The following CHD7 variants were observed in gnomAD, a reference collection of about 807,000 sequenced individuals.
The protein encoded by CHD7 is ATP-dependent chromatin remodeler CHD7.
In CHD7, 24 loss-of-function variants were observed where a neutral mutation model predicts 307.3. The ratio of observed to expected loss-of-function variants is 0.08; its 90% confidence interval spans 0.06 to 0.11. The LOEUF (loss-of-function observed/expected upper bound fraction) is 0.11. CHD7 is among the 10% of genes least tolerant of loss of function. The pLI is 1.00. For missense variants in CHD7, 3,106 were observed against 3,727.1 expected, an observed-to-expected ratio of 0.83 and a Z score of 4.34; for synonymous variants, 1,363 against 1,349.9, an observed-to-expected ratio of 1.01 and a Z score of -0.21.
At chr8:60,859,463 G>A (rs1805864749) in intron 34 of CHD7, among the ~76,000 whole-genome samples, 1 of 152,224 alleles carries the variant, frequency 6.6e-6, no homozygotes, top group Non-Finnish European at 1.5e-5. Flanking sequence ...AGAATGCAGT[G>A]TTTAGGATGG....
chr8:60,826,171 G>A (rs187729996), intron 13 of CHD7, among the ~76,000 whole-genome samples: 24 of 152,252 alleles, frequency 1.6e-4, no homozygotes. Flanking sequence ...CAGGTAAAAA[G>A]AGAAGGCTGC....
Position 60,742,144 on chromosome 8 carries a change from G to A in CHD7, c.712G>A (p.Val238Met), listed in dbSNP as rs200898742. 2.5e-4 allele frequency: 404 copies of A among 1,613,892 alleles called. 1 individual carries two copies. In the African/African-American group the frequency reaches 4.7e-3, roughly 19 times the overall value. Residue 238 changes from valine to methionine, a missense_variant, in exon 2 of 38, where the codon GTG becomes ATG. By Grantham distance (21) the Val-to-Met change is conservative. Transcript: ENST00000423902. Reference protein sequence around the residue: ...ATSGPGHLSHVPQQSPSMAPS... With the variant: ...ATSGPGHLSHMPQQSPSMAPS... ...CTCAGGACCTGGCCACTTGTCCCAC[G>A]TGCCCCAGCAGAGTCCCAGCATGGC...
At chr8:60,715,949 A>T (rs1350123657) in intron 1 of CHD7, among the ~76,000 whole-genome samples, 2 of 152,084 alleles carry the variant, frequency 1.3e-5, no homozygotes, top group Non-Finnish European at 2.9e-5. Context: ...TTCACAGCCT[A>T]CTTCATAGGA....
intron 21 of CHD7, among the ~76,000 whole-genome samples, chr8:60,844,061 G>C (rs903022845): frequency 3.3e-5 from 5 of 152,234 alleles, no homozygotes; most frequent in African/African-American, 4.8e-5. Flanking sequence ...GGCTCAGTCT[G>C]CTGTCGCCTG....
At chr8:60,842,241 G>A (rs566228147) in intron 21 of CHD7, among the ~76,000 whole-genome samples, 189 bp downstream of exon 21, 1 of 152,342 alleles carries the variant, frequency 6.6e-6, no homozygotes, top group South Asian at 2.1e-4. Context: ...TTGTTCAGAT[G>A]CTTCTGGTTC....
chr8:60,787,153 G>A (rs891431189), intron 3 of CHD7, among the ~76,000 whole-genome samples: 2 of 152,014 alleles, frequency 1.3e-5, no homozygotes, highest in Non-Finnish European at 2.9e-5. Context: ...GGTTTCTCCT[G>A]TTGGGGTGGA....
At chr8:60,822,242 T>A in intron 11 of CHD7, 97 bp downstream of exon 11, 1 of 1,085,304 alleles carries the variant, frequency 9.2e-7, no homozygotes, top group African/African-American at 1.6e-5. Context: ...GTTTTAACTC[T>A]AATAAGAGCT....
At chr8:60,862,016 C>G in intron 35 of CHD7, 180 bp from the exon 36 acceptor site, 1 of 484,264 alleles carries the variant, frequency 2.1e-6, no homozygotes, top group Non-Finnish European at 3.5e-6. Flanking sequence ...CCTTAATGGA[C>G]GGGTAAAATA....
At chr8:60,765,564 G>A (rs1466572646) in intron 2 of CHD7, among the ~76,000 whole-genome samples, 1 of 152,158 alleles carries the variant, frequency 6.6e-6, no homozygotes, top group African/African-American at 2.4e-5. Context: ...GAAGAGAGTG[G>A]GAAAGGACAT....
chr8:60,792,017 GT>G (rs1360257760), intron 3 of CHD7, among the ~76,000 whole-genome samples: 2 of 152,148 alleles, frequency 1.3e-5, no homozygotes, highest in Admixed American at 6.5e-5. Flanking sequence ...TTAACTATCT[GT>G]GCCATTTTCT....
chr8:60,860,706 A>G (rs567350648), intron 34 of CHD7, among the ~76,000 whole-genome samples, 198 bp from the exon 35 acceptor site: 1 of 152,342 alleles, frequency 6.6e-6, no homozygotes, highest in East Asian at 1.9e-4. Context: ...GAGTGCTGGG[A>G]TTACAGGCGT....
At chr8:60,681,712 G>C (rs1171029071) in intron 1 of CHD7, among the ~76,000 whole-genome samples, 2 of 152,180 alleles carry the variant, frequency 1.3e-5, no homozygotes, top group Non-Finnish European at 2.9e-5. Flanking sequence ...TGTCAGGCTT[G>C]TAACAGGTGA....
intron 1 of CHD7, among the ~76,000 whole-genome samples, chr8:60,713,631 T>G (rs1261104477): frequency 6.6e-6 from 1 of 152,182 alleles, no homozygotes; most frequent in East Asian, 1.9e-4. Context: ...AGCAACGTTC[T>G]CTCTAGGGTG....
intron 34 of CHD7, among the ~76,000 whole-genome samples, chr8:60,858,665 T>TG (rs774955712): frequency 1.6e-4 from 25 of 152,212 alleles, no homozygotes; most frequent in Non-Finnish European, 3.2e-4. Context: ...TGGAGCACAA[T>TG]GGCGCAGTCT....
At chr8:60,778,623 C>T (rs1254776865) in intron 2 of CHD7, among the ~76,000 whole-genome samples, 2 of 152,176 alleles carry the variant, frequency 1.3e-5, no homozygotes, top group Non-Finnish European at 1.5e-5. Flanking sequence ...GGTATTAATT[C>T]TCCATTCTAA....
chr8:60,771,642 G>A (rs753694015), intron 2 of CHD7, among the ~76,000 whole-genome samples: 3 of 134,384 alleles, frequency 2.2e-5, no homozygotes, highest in Non-Finnish European at 4.9e-5. Flanking sequence ...GTAGTCAGAC[G>A]TCATTAGGAC....
intron 15 of CHD7, among the ~76,000 whole-genome samples, chr8:60,833,390 C>A (rs1455481415): frequency 6.6e-6 from 1 of 152,162 alleles, no homozygotes; most frequent in East Asian, 1.9e-4. Context: ...CTGGTTAGAG[C>A]TGACTTAAGA....
Position 60,866,100 on chromosome 8 carries a change from G to C in CHD7, c.*167G>C. ...ATACAGGTGTGTCAAAAGGTATCTT[G>C]GTCATTAAGTATTGTGCAGTGCATT... On this transcript the variant is annotated 3_prime_UTR_variant, in exon 38 of 38. Transcript: ENST00000423902. 3.2e-6 allele frequency: 2 copies of C among 618,818 alleles called. No homozygotes were observed. Among genetic ancestry groups the C allele is most frequent in the Non-Finnish European group, 5.7e-6 (2 of 352,696 alleles). The allele number at this position is 618,818 out of a possible 1,614,324, so 38.3% of individuals were successfully genotyped here.
chr8:60,733,204 C>A (rs1324781740), intron 1 of CHD7, among the ~76,000 whole-genome samples: 1 of 149,426 alleles, frequency 6.7e-6, no homozygotes, highest in Non-Finnish European at 1.5e-5. Context: ...CCACTGCACT[C>A]CAGCTTGGGT....
Sources: allele counts gnomAD v4.1 joint callset (sites outside exome capture counted in the v4.1 genomes callset), GRCh38; gene constraint gnomAD v4.1.1; transcripts MANE v1.5; gene names NCBI Gene and HGNC (gene_info 2026-07-23, HGNC 2026-07-21).